Variants in SBK3 observed in about 807,000 individuals in gnomAD.
SBK3 encodes the protein uncharacterized serine/threonine-protein kinase SBK3.
Under a neutral mutation model 12.7 loss-of-function variants are expected in SBK3, and 16 were observed. The ratio of observed to expected loss-of-function variants is 1.26; its 90% CI spans 0.86 to 1.92. SBK3 has a LOEUF of 1.92. Ranked by LOEUF, SBK3 falls within the 40% of genes most tolerant of loss-of-function variation. The pLI, the probability that SBK3 is intolerant of heterozygous loss-of-function variation, is 0.00. For missense variants in SBK3, 462 were observed against 481.8 expected, an observed-to-expected ratio of 0.96 and a Z score of 0.38; for synonymous variants, 217 against 213.6, an observed-to-expected ratio of 1.02 and a Z score of -0.14.
rs1389367584 is a variant in SBK3 at position 55,544,836 on chromosome 19, G to T, written c.159C>A (p.Ser53=). ...GCTGGGCAAGGAGCACGCGGCCGTA[G>T]GAGCCGGAGCCCAGCTTCCGGATGA... ...YHLIRKLGSG[S]YGRVLLAQPH... The change falls in exon 2 of 4, where the codon TCC becomes TCA. Residue 53 remains serine (S), a synonymous_variant. Transcript: ENST00000612221. 6.5e-7 allele frequency: 1 copy of T among 1,530,670 alleles called. No individual in the cohort carries two copies. The highest frequency in any genetic ancestry group is 1.2e-5 in the South Asian group (1 of 83,746). 94.8% of individuals were successfully genotyped at this position (1,530,670 alleles called of 1,614,324 possible).
Position 55,545,019 on chromosome 19 carries a change from A to C in SBK3, c.46-70T>G. 19 of 1,227,642 alleles carry C rather than the reference A, an allele frequency of 1.5e-5. No homozygotes were observed. Among genetic ancestry groups the C allele is most frequent in the Middle Eastern group, 2.8e-4 (1 of 3,634 alleles). 76.0% of individuals were successfully genotyped at this position (1,227,642 alleles called of 1,614,324 possible). A position where few individuals can be genotyped will look rare whatever the true frequency, so the allele number is the denominator to read the frequency against. ...ACTGAGAGTGGTGGGGGAGGAGGTC[A>C]CGGCGCAGCCCCAGGATGGAGGGTG... On this transcript the variant is annotated intron_variant, in intron 1 of 3. Transcript: ENST00000612221. This position sits in a 1 kb window ranked among gnomAD's most constrained non-coding sequence, Gnocchi z 4.4.
rs1472701542 is a variant in SBK3, at chr19:55,541,486, A to C, written c.440T>G (p.Leu147Trp). 107 of 1,527,242 alleles carry C rather than the reference A, an allele frequency of 7.0e-5. No homozygotes were observed. Among genetic ancestry groups the C allele is most frequent in the Non-Finnish European group, 8.7e-5 (99 of 1,140,628 alleles). The allele number at this position is 1,527,242 out of a possible 1,614,324, so 94.6% of individuals were successfully genotyped here. A position where few individuals can be genotyped will look rare whatever the true frequency, so the allele number is the denominator to read the frequency against. ...GTGGAGGAAGTCCAGAGCTCCTGCCAACTGGGCCACCACCCGCTTCACCAG... is the reference window on the plus strand; with the variant it reads ...GTGGAGGAAGTCCAGAGCTCCTGCCCACTGGGCCACCACCCGCTTCACCAG... ...ELLVKRVVAQ[L>W]AGALDFLHSR... The change falls in exon 4 of 4, where the codon TTG (leucine) becomes TGG (tryptophan). Residue 147 changes from leucine (L) to tryptophan (W), a missense_variant. Transcript: ENST00000612221. The surrounding 1 kb of genome is among the most constrained non-coding windows in gnomAD (Gnocchi z 5.3).
chr19:55,542,461 A>G (rs1183396393), intron 3 of SBK3, among the ~76,000 whole-genome samples: 3 of 139,832 alleles, frequency 2.1e-5, no homozygotes, highest in Admixed American at 7.1e-5. Flanking sequence ...TCACCCACCA[A>G]ACCTTTCATC....
At position 55,540,962 on chromosome 19, in the gene SBK3, T is replaced by C. The variant is rs1056744903; in HGVS notation, c.964A>G (p.Ser322Gly). Residue 322 changes from serine (S) to glycine (G), a missense_variant, in exon 4 of 4, where the codon AGC (serine) becomes GGC (glycine). By Grantham distance (56) the Ser-to-Gly change is moderately conservative. Coordinates refer to ENST00000612221, the MANE Select transcript of SBK3 (RefSeq NM_001199824.2). The stretch of plus-strand genomic sequence containing the variant: ...TCCCTGTCCTCATAGGACACGGCGC[T>C]CCCCAAAACCCCAGGTCCCTCTCTG... ...GNREGPGVLG[S>G]AVSYEDREEG... 3.9e-6 allele frequency: 6 copies of C among 1,535,582 alleles called. No individual in the cohort carries two copies. In the East Asian group the frequency reaches 1.5e-4, roughly 38 times the overall value.
chr19:55,541,140 C>T lies in SBK3; in HGVS notation c.786G>A (p.Lys262=), dbSNP rs1243174263. Residue 262 remains lysine, a synonymous_variant, in exon 4 of 4, where the codon AAG becomes AAA. Coordinates refer to ENST00000612221, the MANE Select transcript of SBK3 (RefSeq NM_001199824.2). This position sits in a 1 kb window ranked among gnomAD's most constrained non-coding sequence, Gnocchi z 5.3. ...GTGGTGGTGGCTGAGGTGGCTGAGG[C>T]TTGGTGGTCACCCAGCCAGCGAAGG... ...FEAFAGWVTT[K]PQPPQPPPPW... is the part of the protein sequence containing the mutation. 2.0e-6 allele frequency: 3 copies of T among 1,535,576 alleles called. No homozygotes were observed. The East Asian group carries it at 7.3e-5, about 38-fold the overall frequency.
In SBK3 at chr19:55,541,705, A is replaced by C. The variant is rs1345603264; in HGVS notation, c.400-179T>G. Reference sequence around the variant, plus strand: ...GTTCCTTCTGAATAATTTTTGAAAGAGGCTCTAGATTCCTAAGTCCTAAAA... The same window carrying C: ...GTTCCTTCTGAATAATTTTTGAAAGCGGCTCTAGATTCCTAAGTCCTAAAA... On this transcript the variant is annotated intron_variant, in intron 3 of 3. Transcript: ENST00000612221. The surrounding 1 kb of genome is among the most constrained non-coding windows in gnomAD (Gnocchi z 5.3). Among the ~76,000 whole-genome samples the C allele has an allele frequency of 2.0e-5, 3 of 152,232 alleles. No homozygotes were observed. Among genetic ancestry groups the C allele is most frequent in the African/African-American group, 7.2e-5 (3 of 41,466 alleles).
intron 3 of SBK3, among the ~76,000 whole-genome samples, chr19:55,542,493 AT>A (rs1950982564): frequency 7.1e-6 from 1 of 140,228 alleles, no homozygotes; most frequent in Admixed American, 7.2e-5. Context: ...CCATCCATCC[AT>A]CCACCCACCA....
At position 55,540,855 on chromosome 19, in the gene SBK3, T is replaced by A; in HGVS notation, c.1071A>T (p.Gly357=). 6.5e-7 allele frequency: 1 copy of A among 1,535,754 alleles called. No homozygotes were observed. The highest frequency in any genetic ancestry group is 1.2e-5 in the South Asian group (1 of 84,054). ...KSGGRTGTDG[G]AP ...TGTCTCTGTCACCTGGTCAGGGAGC[T>A]CCCCCATCTGTCCCCGTCCTCCCAC... is the stretch of plus-strand genomic sequence containing the variant. The change falls in exon 4 of 4, where the codon GGA becomes GGT. Residue 357 remains glycine, a synonymous_variant. Coordinates refer to ENST00000612221, the MANE Select transcript of SBK3 (RefSeq NM_001199824.2).
intron 3 of SBK3, 66 bp downstream of exon 3, chr19:55,544,034 G>C: frequency 7.4e-7 from 1 of 1,349,410 alleles, no homozygotes; most frequent in Non-Finnish European, 9.8e-7. Context: ...TGGAGACAGA[G>C]ACGGGGCTTG....
chr19:55,543,566 A>C (rs946592945), intron 3 of SBK3, among the ~76,000 whole-genome samples: 8 of 151,692 alleles, frequency 5.3e-5, no homozygotes, highest in Non-Finnish European at 8.8e-5. Context: ...CCCTACCCCT[A>C]ATCTCCAAAC....
At chr19:55,542,493 A>ACCCACCCACCAC (rs1988574635) in intron 3 of SBK3, among the ~76,000 whole-genome samples, 1 of 140,232 alleles carries the variant, frequency 7.1e-6, no homozygotes, top group African/African-American at 2.7e-5. Context: ...CCATCCATCC[A>ACCCACCCACCAC]TCCACCCACC....
At chr19:55,542,809 T>C (rs1439007538) in intron 3 of SBK3, among the ~76,000 whole-genome samples, 3 of 76,530 alleles carry the variant, frequency 3.9e-5, no homozygotes, top group African/African-American at 5.4e-5. Flanking sequence ...TCCTTCCTTC[T>C]ATCGATCCAT....
rs1251091945 is a variant in SBK3, at chr19:55,544,191, G to A, written c.308C>T (p.Thr103Ile). The change falls in exon 3 of 4, where the codon ACC (threonine) becomes ATC (isoleucine). Residue 103 changes from threonine (T) to isoleucine (I), a missense_variant. Thr to Ile is a moderately conservative substitution (Grantham distance 89). Coordinates refer to ENST00000612221, the MANE Select transcript of SBK3 (RefSeq NM_001199824.2). ...CVSAHPGLLQTLAGPLQTPRY... is the reference protein window; with the variant it reads ...CVSAHPGLLQILAGPLQTPRY... ...GGGGGTCTGTAGGGGTCCTGCCAGG[G>A]TCTGCAGCAGGCCTGGGTGTGCAGA... 6 of 1,536,024 alleles carry A rather than the reference G, an allele frequency of 3.9e-6. No homozygotes were observed. In the Admixed American group the frequency reaches 9.8e-5, roughly 25 times the overall value.
At position 55,544,830 on chromosome 19, in the gene SBK3, GC is replaced by G; in HGVS notation, c.164del (p.Gly55AlafsTer17). 1 of 1,529,306 alleles carries G rather than the reference GC, an allele frequency of 6.5e-7. No homozygotes were observed. The allele number at this position is 1,529,306 out of a possible 1,614,324, so 94.7% of individuals were successfully genotyped here. A position where few individuals can be genotyped will look rare whatever the true frequency, so the allele number is the denominator to read the frequency against. ...GGTGAGGCTGGGCAAGGAGCACGCG[GC>G]CGTAGGAGCCGGAGCCCAGCTTCCG... is the stretch of plus-strand genomic sequence containing the variant. ...LIRKLGSGSY[G>X]RVLLAQPHQG... is the part of the protein sequence containing the mutation. On this transcript the variant is annotated frameshift_variant, in exon 2 of 4. Transcript: ENST00000612221. LOFTEE classifies it high-confidence loss of function.
chr19:55,543,696 C>T (rs1053548043), intron 3 of SBK3, among the ~76,000 whole-genome samples: 1 of 152,200 alleles, frequency 6.6e-6, no homozygotes, highest in East Asian at 1.9e-4. Context: ...CTCTGCTTCT[C>T]TCTGCAGCCC....
chr19:55,542,751 C>A (rs1331047322), intron 3 of SBK3, among the ~76,000 whole-genome samples: 16 of 148,708 alleles, frequency 1.1e-4, no homozygotes, highest in Admixed American at 4.7e-4. Flanking sequence ...CATTCACTCA[C>A]CCACAAAACC....
chr19:55,541,053 G>A lies in SBK3; in HGVS notation c.873C>T (p.Pro291=), dbSNP rs1023326283. The A allele has an allele frequency of 2.5e-5, 39 of 1,535,866 alleles. No homozygotes were observed. The highest frequency in any genetic ancestry group is 2.2e-4 in the Admixed American group (11 of 50,966). ...CAGCCAGTGGGGGGCTCCTAGTCTC[G>A]GGATCCAGGTCCAGAAGCCCCTGGA... The part of the protein sequence containing the change: ...ALLQGLLDLD[P]ETRSPPLAVL... Residue 291 remains proline (P), a synonymous_variant, in exon 4 of 4, where the codon CCC becomes CCT. Transcript: ENST00000612221. The surrounding 1 kb of genome is among the most constrained non-coding windows in gnomAD (Gnocchi z 5.3).
Position 55,541,033 on chromosome 19 carries a change from A to C in SBK3, c.893T>G (p.Leu298Arg). The C allele has an allele frequency of 5.2e-6, 8 of 1,535,860 alleles. No individual in the cohort carries two copies. Among genetic ancestry groups the C allele is most frequent in the Non-Finnish European group, 7.0e-6 (8 of 1,146,802 alleles). The change falls in exon 4 of 4, where the codon CTG (leucine) becomes CGG (arginine). Residue 298 changes from leucine (L) to arginine (R), a missense_variant. By Grantham distance (102) the Leu-to-Arg change is moderately radical (BLOSUM62 -2). Transcript: ENST00000612221. The surrounding 1 kb of genome is among the most constrained non-coding windows in gnomAD (Gnocchi z 5.3). Reference protein sequence around the residue: ...DLDPETRSPPLAVLDFLGDDW... With the variant: ...DLDPETRSPPRAVLDFLGDDW... ...GTCCCCCAGGAAGTCCAGGACAGCCAGTGGGGGGCTCCTAGTCTCGGGATC... is the reference window on the plus strand; with the variant it reads ...GTCCCCCAGGAAGTCCAGGACAGCCCGTGGGGGGCTCCTAGTCTCGGGATC...
At chr19:55,544,707 G>C in intron 2 of SBK3, 92 bp downstream of exon 2, 1 of 1,275,088 alleles carries the variant, frequency 7.8e-7, no homozygotes, top group Non-Finnish European at 1.0e-6. Context: ...GTCCCCATCA[G>C]CTCCTCCTGG....
Sources: gnomAD v4.1 joint callset for allele counts (sites outside exome capture counted in the v4.1 genomes callset) on GRCh38, gnomAD v4.1.1 for gene constraint, Gnocchi (gnomAD v3.1) non-coding constraint, MANE v1.5 for transcripts, NCBI Gene and HGNC (gene_info 2026-07-23, HGNC 2026-07-21) for gene names.